Variants in BMPR1B observed in about 807,000 individuals in gnomAD.
The protein encoded by BMPR1B is bone morphogenetic protein receptor type 1B, also known as bone morphogenetic protein receptor type-1B.
In BMPR1B, 12 loss-of-function variants were observed where a neutral mutation model predicts 59.1. The observed-to-expected ratio is 0.20, with a 90% CI of 0.13 to 0.33. The LOEUF (loss-of-function observed/expected upper bound fraction) is 0.33. BMPR1B is among the 10% of genes least tolerant of loss of function. The pLI is 1.00. For missense variants in BMPR1B, 550 were observed against 610.9 expected (o/e 0.90, Z 1.05); for synonymous variants, 237 against 207.3 (o/e 1.14, Z -1.23).
At position 94,853,665 on chromosome 4, in the gene BMPR1B, G is replaced by A. The variant is rs181372120; in HGVS notation, c.-182-22166G>A. ...TTAAAATTTATTTAGGGGGAGGGGA[G>A]GAAGAGGAGGTCATGGTCAGACTAG... On this transcript the variant is annotated intron_variant, in intron 1 of 12. Coordinates refer to ENST00000515059, the MANE Select transcript of BMPR1B (RefSeq NM_001203.3). 5.3e-5 allele frequency among the ~76,000 whole-genome samples: 8 copies of A among 152,116 alleles called. No individual in the cohort carries two copies. In the East Asian group the frequency reaches 9.7e-4, roughly 18 times the overall value.
At chr4:95,151,766 A>G (rs866230442) in intron 11 of BMPR1B, among the ~76,000 whole-genome samples, 1 of 152,200 alleles carries the variant, frequency 6.6e-6, no homozygotes, top group Admixed American at 6.5e-5. Context: ...AAAAGCAATG[A>G]TATTTCTATA....
chr4:95,097,064 T>C (rs940145497), intron 3 of BMPR1B, among the ~76,000 whole-genome samples: 4 of 145,274 alleles, frequency 2.8e-5, no homozygotes, highest in African/African-American at 1.0e-4. Flanking sequence ...TATATAGTTA[T>C]ATATTTACAT....
At chr4:94,849,773 TAAG>T (rs755765661) in intron 1 of BMPR1B, among the ~76,000 whole-genome samples, 3 of 141,634 alleles carry the variant, frequency 2.1e-5, no homozygotes, top group Non-Finnish European at 4.6e-5. Context: ...TGGGGCATAA[TAAG>T]GTAGGAGGGG....
chr4:94,765,779 A>C (rs1482525892), intron 1 of BMPR1B, among the ~76,000 whole-genome samples: 2 of 152,168 alleles, frequency 1.3e-5, no homozygotes, highest in African/African-American at 2.4e-5. Context: ...ACCTGATTGC[A>C]TTTGTTTTCC....
At chr4:94,825,646 T>C (rs552171633) in intron 1 of BMPR1B, among the ~76,000 whole-genome samples, 2 of 152,244 alleles carry the variant, frequency 1.3e-5, no homozygotes, top group African/African-American at 2.4e-5. Flanking sequence ...TAAACCACCA[T>C]TGACAAAATA....
intron 3 of BMPR1B, among the ~76,000 whole-genome samples, chr4:95,059,603 T>C (rs1488958618): frequency 6.6e-6 from 1 of 150,870 alleles, no homozygotes; most frequent in Non-Finnish European, 1.5e-5. Flanking sequence ...TGAATATTAT[T>C]AATCTACTCT....
intron 1 of BMPR1B, among the ~76,000 whole-genome samples, chr4:94,761,404 G>A (rs969513734): frequency 1.4e-5 from 2 of 141,934 alleles, no homozygotes; most frequent in Admixed American, 7.4e-5. Context: ...TACATTTTCC[G>A]CTGTATAATT....
intron 1 of BMPR1B, among the ~76,000 whole-genome samples, chr4:94,775,076 C>T (rs576257339): frequency 6.6e-5 from 10 of 152,116 alleles, no homozygotes; most frequent in Admixed American, 2.0e-4. Flanking sequence ...ACTGAACTTT[C>T]GAGGCAGATA....
In BMPR1B at chr4:94,844,223, TTGTGTG is replaced by T. The variant is rs150471976; in HGVS notation, c.-182-31579_-182-31574del. On this transcript the variant is annotated intron_variant, in intron 1 of 12. Coordinates refer to ENST00000515059, the MANE Select transcript of BMPR1B (RefSeq NM_001203.3). ...GTAGCCATTCTATTCTGAATCATCTTTGTGTGTGTGTGTGTGTGTGTGTGTGTGTGT... is the reference window on the plus strand; with the variant it reads ...GTAGCCATTCTATTCTGAATCATCTTTGTGTGTGTGTGTGTGTGTGTGTGT... Among the ~76,000 whole-genome samples the T allele has an allele frequency of 8.7e-3, 1,274 of 146,648 alleles. 5 individuals carry two copies. The highest frequency in any genetic ancestry group is 0.015 in the African/African-American group (599 of 40,024).
chr4:94,880,258 A>C (rs1449223870), intron 2 of BMPR1B, among the ~76,000 whole-genome samples: 2 of 152,184 alleles, frequency 1.3e-5, no homozygotes, highest in Non-Finnish European at 2.9e-5. Context: ...GTCTCCATAA[A>C]TTCAAGGCAG....
intron 3 of BMPR1B, among the ~76,000 whole-genome samples, chr4:94,999,261 TC>T (rs1242314200): frequency 2.0e-5 from 3 of 152,214 alleles, no homozygotes; most frequent in African/African-American, 7.2e-5. Flanking sequence ...AAAAACTTTA[TC>T]ATACTTATTT....
chr4:94,901,462 A>G (rs1382223138), intron 2 of BMPR1B, among the ~76,000 whole-genome samples: 2 of 151,960 alleles, frequency 1.3e-5, no homozygotes, highest in Non-Finnish European at 2.9e-5. Context: ...GAGAGACCGG[A>G]TGGCAGTTTA....
intron 1 of BMPR1B, among the ~76,000 whole-genome samples, chr4:94,858,675 A>C (rs1725863755): frequency 1.3e-5 from 2 of 152,234 alleles, no homozygotes; most frequent in Non-Finnish European, 2.9e-5. Flanking sequence ...CAAAGTTTGA[A>C]TACAACTCTT....
At chr4:94,889,615 C>T (rs1034627330) in intron 2 of BMPR1B, among the ~76,000 whole-genome samples, 11 of 152,042 alleles carry the variant, frequency 7.2e-5, no homozygotes, top group African/African-American at 1.9e-4. Flanking sequence ...TTTTTCATTG[C>T]TCCTGCTGTC....
chr4:94,786,714 A>ATTT (rs35776922), intron 1 of BMPR1B, among the ~76,000 whole-genome samples: 5 of 146,332 alleles, frequency 3.4e-5, no homozygotes, highest in Admixed American at 6.9e-5. Flanking sequence ...AATTTTTTGT[A>ATTT]TTTTTTTTTT....
intron 3 of BMPR1B, among the ~76,000 whole-genome samples, chr4:95,078,263 T>C (rs1006611490): frequency 4.6e-5 from 7 of 152,208 alleles, no homozygotes; most frequent in Non-Finnish European, 7.4e-5. Flanking sequence ...TAGGAAGTAG[T>C]CTTGTGTGTG....
chr4:94,882,970 GTGTGTGTA>G (rs1307197437), intron 2 of BMPR1B, among the ~76,000 whole-genome samples: 1 of 134,594 alleles, frequency 7.4e-6, no homozygotes, highest in Non-Finnish European at 1.6e-5. Context: ...GTGTGTGCGT[GTGTGTGTA>G]TGTGTGTGTG....
At chr4:94,828,966 GGTGT>G (rs1042530066) in intron 1 of BMPR1B, among the ~76,000 whole-genome samples, 4 of 151,492 alleles carry the variant, frequency 2.6e-5, no homozygotes, top group Admixed American at 2.6e-4. Flanking sequence ...TTATGCTTAG[GGTGT>G]GTGTGTGAGA....
chr4:95,123,182 A>T (rs1300072129), intron 6 of BMPR1B, among the ~76,000 whole-genome samples: 4 of 152,214 alleles, frequency 2.6e-5, no homozygotes, highest in Admixed American at 1.3e-4. Flanking sequence ...GTATAAAAGT[A>T]TCATACATTC....
Sources: gnomAD v4.1 joint callset for allele counts (sites outside exome capture counted in the v4.1 genomes callset) on GRCh38, gnomAD v4.1.1 for gene constraint, MANE v1.5 for transcripts, NCBI Gene and HGNC (gene_info 2026-07-23, HGNC 2026-07-21) for gene names.